The following NCOR2 variants were observed in gnomAD, a reference collection of about 807,000 sequenced individuals.
NCOR2 encodes the protein CTG repeat protein 26.
Under a neutral mutation model 262.9 loss-of-function variants are expected in NCOR2, and 81 were observed. The ratio of observed to expected loss-of-function variants is 0.31; its 90% CI spans 0.26 to 0.37. The LOEUF (loss-of-function observed/expected upper bound fraction) is 0.37, where lower values mean the gene tolerates loss of function less well. Among genes scored for constraint, NCOR2 ranks in the 10% least tolerant of loss-of-function variants. The pLI, the probability that NCOR2 is intolerant of heterozygous loss-of-function variation, is 1.00. For missense variants in NCOR2, 3,385 were observed against 3,621.4 expected (o/e 0.93, Z 1.68); for synonymous variants, 1,659 against 1,559.3 (o/e 1.06, Z -1.51).
chr12:124,430,867 G>A, intron 8 of NCOR2, 80 bp from the exon 11 acceptor site: 1 of 1,510,486 alleles, frequency 6.6e-7, no homozygotes, highest in Non-Finnish European at 8.9e-7. Context: ...CTCACATGCA[G>A]GCAGACACAC....
chr12:124,333,078 G>C, intron 42 of NCOR2, 52 bp downstream of exon 44: 1 of 1,538,470 alleles, frequency 6.5e-7, no homozygotes, highest in South Asian at 1.3e-5. Context: ...GCCAAGGATG[G>C]GCAAGGGATA....
chr12:124,495,255 G>A (rs1263249719), upstream of NCOR2: 3 of 1,610,558 alleles, frequency 1.9e-6, no homozygotes, highest in East Asian at 4.5e-5. The surrounding 1 kb of genome is among the most constrained non-coding windows in gnomAD (Gnocchi z 4.4). Flanking sequence ...CCGACATGGT[G>A]GTGGGGGTCG....
chr12:124,362,395 C>G (rs1365951263), intron 21 of NCOR2, 98 bp from the exon 24 acceptor site: 2 of 1,143,692 alleles, frequency 1.7e-6, no homozygotes, highest in African/African-American at 1.6e-5. Context: ...AACCAAGGCC[C>G]GGGAAAGCCA....
At chr12:124,377,109 C>T (rs920194669) in intron 18 of NCOR2, among the ~76,000 whole-genome samples, 2 of 152,310 alleles carry the variant, frequency 1.3e-5, no homozygotes, top group African/African-American at 2.4e-5. Flanking sequence ...GTTCAGTTCC[C>T]GGGTCTATAC....
chr12:124,488,639 G>C (rs1334339252), intron 1 of NCOR2, among the ~76,000 whole-genome samples: 1 of 152,228 alleles, frequency 6.6e-6, no homozygotes, highest in Non-Finnish European at 1.5e-5. Flanking sequence ...GGGAGGGAGT[G>C]GAGGAGGCCA....
chr12:124,455,823 G>T (rs902077932), intron 6 of NCOR2, among the ~76,000 whole-genome samples: 10 of 152,224 alleles, frequency 6.6e-5, no homozygotes, highest in Non-Finnish European at 1.3e-4. Flanking sequence ...AAGGCCACTT[G>T]GCAAACATGC....
exon 23 of NCOR2, chr12:124,356,673 C>T (rs375879296): frequency 4.8e-6 from 7 of 1,463,560 alleles, no homozygotes; most frequent in South Asian, 4.5e-5. Flanking sequence ...CTGAGGGGTC[C>T]GGGGCATGCG....
chr12:124,490,781 G>A (rs1267287577), intron 1 of NCOR2, among the ~76,000 whole-genome samples: 2 of 152,242 alleles, frequency 1.3e-5, no homozygotes, highest in Non-Finnish European at 2.9e-5. Context: ...GGTCTGCAAC[G>A]TTGCCAACTG....
chr12:124,472,085 G>A (rs540982748), intron 4 of NCOR2, among the ~76,000 whole-genome samples: 65 of 152,294 alleles, frequency 4.3e-4, no homozygotes, highest in Non-Finnish European at 5.9e-4. Context: ...GGCTGAACCC[G>A]GGATAGAGGA....
intron 5 of NCOR2, among the ~76,000 whole-genome samples, chr12:124,459,201 A>C (rs1192268843): frequency 6.6e-6 from 1 of 152,122 alleles, no homozygotes; most frequent in African/African-American, 2.4e-5. Context: ...GATCAGCAGC[A>C]ACTGTCCATC....
Position 124,325,382 on chromosome 12 carries a change from C to CG in NCOR2, c.*19_*20insC, listed in dbSNP as rs1555297245. The CG allele has an allele frequency of 7.3e-5, 30 of 412,908 alleles. 3 individuals are homozygous for CG. The highest frequency in any genetic ancestry group is 1.2e-4 in the Admixed American group (2 of 16,066). The allele number at this position is 412,908 out of a possible 1,614,324, so 25.6% of individuals were successfully genotyped here. A position where few individuals can be genotyped will look rare whatever the true frequency, so the allele number is the denominator to read the frequency against. ...GCTCGCTGGGACCTGACACCGCCCC[C>CG]CCCCCCGCCCTGTTCTGAGTCACTC... On this transcript the variant is annotated 3_prime_UTR_variant, in exon 47 of 47. Transcript: ENST00000405201.
chr12:124,372,745 G>A, intron 19 of NCOR2, 135 bp from the exon 22 acceptor site: 1 of 752,718 alleles, frequency 1.3e-6, no homozygotes, highest in Non-Finnish European at 2.1e-6. Context: ...CTACACACCT[G>A]GGCTGCTGCC....
rs754650408 is a variant in NCOR2, at chr12:124,346,855, C to T, written c.4073-5G>A. 9.0e-6 allele frequency: 14 copies of T among 1,561,826 alleles called. No individual in the cohort carries two copies. The highest frequency in any genetic ancestry group is 1.7e-4 in the Middle Eastern group (1 of 5,952). The stretch of plus-strand genomic sequence containing the variant: ...CCACGTAGGACCGAGGGATCCCTGC[C>T]GGGCCGACAGCACTGACCCTCACGC... On this transcript the variant is annotated splice_region_variant and splice_polypyrimidine_tract_variant and intron_variant, in intron 30 of 46. Coordinates refer to ENST00000405201, the Ensembl canonical transcript of NCOR2.
In NCOR2 at chr12:124,549,953, C is replaced by T. The variant is rs1316642499; in HGVS notation, c.-164-14342G>A. On this transcript the variant is annotated intron_variant, in intron 1 of 32. Transcript: ENST00000458234. The surrounding 1 kb of genome is among the most constrained non-coding windows in gnomAD (Gnocchi z 4.4). ...TGCTGGGCGCAAGCTCCGAGGAAAA[C>T]TCCTTCGCAGGACCTTTCTCCCCTC... Among the ~76,000 whole-genome samples the T allele has an allele frequency of 6.6e-6, 1 of 152,220 alleles. No individual in the cohort carries two copies. Among genetic ancestry groups the T allele is most frequent in the African/African-American group, 2.4e-5 (1 of 41,456 alleles).
rs1555234131 is a variant in NCOR2 at position 124,509,235 on chromosome 12, T to TGGGGGG, written c.-117-13873_-117-13868dup. Among the ~76,000 whole-genome samples, 16 of 55,070 alleles carry TGGGGGG rather than the reference T, an allele frequency of 2.9e-4. 1 individual carries two copies. Among genetic ancestry groups the TGGGGGG allele is most frequent in the African/African-American group, 1.0e-3 (14 of 13,352 alleles). The allele number at this position is 55,070 out of a possible 152,430, so 36.1% of individuals were successfully genotyped here. On this transcript the variant is annotated intron_variant, in intron 1 of 46. Coordinates refer to the NCOR2 transcript ENST00000404621. ...CCAGCCAAAGTGGCACTGGCTTTGG[T>TGGGGGG]GGGGGGGGGGGGGGCTTAACTCTGA...
At chr12:124,340,612 T>C in exon 35 of NCOR2, 1 of 1,495,190 alleles carries the variant, frequency 6.7e-7, no homozygotes, top group South Asian at 1.4e-5. Context: ...CTGGGGAGAG[T>C]GGGGAGCTGC....
In NCOR2 at chr12:124,483,854, G is replaced by A. The variant is rs549103614; in HGVS notation, c.234-81C>T. 4.5e-4 allele frequency: 639 copies of A among 1,415,520 alleles called. 3 individuals are homozygous for A. The highest frequency in any genetic ancestry group is 3.3e-4 in the African/African-American group (23 of 69,206). The allele number at this position is 1,415,520 out of a possible 1,614,324, so 87.7% of individuals were successfully genotyped here. On this transcript the variant is annotated intron_variant, in intron 2 of 46. Coordinates refer to ENST00000405201, the Ensembl canonical transcript of NCOR2. This position sits in a 1 kb window ranked among gnomAD's most constrained non-coding sequence, Gnocchi z 6.3. ...CGAGGCCCCGACCACCCTCTGCGCC[G>A]AGCATCTACTGCGCGCCGTGCTCTG...
chr12:124,408,064 C>G (rs577888283), intron 13 of NCOR2, among the ~76,000 whole-genome samples: 3 of 152,302 alleles, frequency 2.0e-5, no homozygotes, highest in African/African-American at 7.2e-5. Flanking sequence ...ATAAGATATA[C>G]CAAGGCGTGG....
At chr12:124,466,322 C>A in intron 4 of NCOR2, 36 bp from the exon 7 acceptor site, 2 of 1,583,984 alleles carry the variant, frequency 1.3e-6, no homozygotes, top group South Asian at 1.1e-5. Flanking sequence ...GATGAGCACC[C>A]CAGCGGGCGG....
Sources: allele counts gnomAD v4.1 joint callset (sites outside exome capture counted in the v4.1 genomes callset), GRCh38; gene constraint gnomAD v4.1.1; non-coding constraint Gnocchi (gnomAD v3.1); transcripts MANE v1.5; gene names NCBI Gene and HGNC (gene_info 2026-07-23, HGNC 2026-07-21).